The following SLC2A13 variants were observed in gnomAD, a reference collection of about 807,000 sequenced individuals.
SLC2A13 encodes the protein solute carrier family 2 member 13.
Under a neutral mutation model 64.4 loss-of-function variants are expected in SLC2A13, and 32 were observed. The observed-to-expected ratio is 0.50, with a 90% CI of 0.37 to 0.67. The LOEUF (loss-of-function observed/expected upper bound fraction) is 0.67. Among genes scored for constraint, SLC2A13 ranks in the 30% least tolerant of loss-of-function variants. The pLI is 0.00. For synonymous variants in SLC2A13, 338 were observed against 327.1 expected (o/e 1.03, Z -0.36); for missense variants, 743 against 829.2 (o/e 0.90, Z 1.28).
At chr12:39,957,837 GC>G (rs1946343323) in intron 3 of SLC2A13, among the ~76,000 whole-genome samples, 1 of 152,056 alleles carries the variant, frequency 6.6e-6, no homozygotes. Context: ...CTTCCCATGA[GC>G]CTACTCCATG....
intron 4 of SLC2A13, among the ~76,000 whole-genome samples, chr12:39,879,906 G>T (rs1210874107): frequency 6.6e-6 from 1 of 152,180 alleles, no homozygotes; most frequent in Admixed American, 6.5e-5. Flanking sequence ...ATGTTGAATT[G>T]TAATCCCAAG....
intron 3 of SLC2A13, among the ~76,000 whole-genome samples, chr12:39,970,885 C>T (rs1246463300): frequency 6.6e-6 from 1 of 152,122 alleles, no homozygotes; most frequent in African/African-American, 2.4e-5. Context: ...TATTTTTTCC[C>T]TTGAGTGACC....
chr12:40,058,070 T>G (rs1323388454), intron 1 of SLC2A13, among the ~76,000 whole-genome samples: 1 of 150,834 alleles, frequency 6.6e-6, no homozygotes, highest in African/African-American at 2.4e-5. Context: ...GATAGATAGA[T>G]AGATAGATAG....
intron 4 of SLC2A13, among the ~76,000 whole-genome samples, chr12:39,942,975 C>T (rs1283336456): frequency 6.6e-6 from 1 of 152,110 alleles, no homozygotes; most frequent in Non-Finnish European, 1.5e-5. Context: ...TGATGCTATT[C>T]CTTTCTGTTT....
intron 4 of SLC2A13, among the ~76,000 whole-genome samples, chr12:39,893,418 G>A (rs1592249475): frequency 6.6e-6 from 1 of 152,186 alleles, no homozygotes; most frequent in Admixed American, 6.5e-5. Context: ...TCCTGCCTCA[G>A]CCTCCCGACT....
chr12:39,769,383 T>C (rs756503669), intron 7 of SLC2A13, among the ~76,000 whole-genome samples: 19 of 152,116 alleles, frequency 1.2e-4, no homozygotes, highest in Non-Finnish European at 2.2e-4. Flanking sequence ...TTTGTAGGAC[T>C]TGATACATTT....
intron 3 of SLC2A13, among the ~76,000 whole-genome samples, chr12:39,961,366 A>G (rs963463006): frequency 2.0e-5 from 3 of 152,156 alleles, no homozygotes; most frequent in Non-Finnish European, 4.4e-5. Flanking sequence ...GGCATGAGCC[A>G]CCACGCCTGG....
chr12:39,898,147 C>T (rs1471128188), intron 4 of SLC2A13, among the ~76,000 whole-genome samples: 2 of 152,024 alleles, frequency 1.3e-5, no homozygotes, highest in East Asian at 1.9e-4. Flanking sequence ...TACAGCTTTC[C>T]ATTTGTAGAA....
At chr12:39,987,974 C>T (rs777262245) in intron 3 of SLC2A13, among the ~76,000 whole-genome samples, 7 of 152,092 alleles carry the variant, frequency 4.6e-5, no homozygotes, top group African/African-American at 9.7e-5. Flanking sequence ...CAATTCTACC[C>T]GTGAAAATCA....
At chr12:39,894,596 A>C (rs932280280) in intron 4 of SLC2A13, among the ~76,000 whole-genome samples, 20 of 152,218 alleles carry the variant, frequency 1.3e-4, no homozygotes, top group Admixed American at 3.9e-4. Context: ...TAAAATTTCT[A>C]ACACTGAAAT....
At chr12:39,961,645 C>T (rs1379958370) in intron 3 of SLC2A13, among the ~76,000 whole-genome samples, 1 of 151,894 alleles carries the variant, frequency 6.6e-6, no homozygotes, top group African/African-American at 2.4e-5. Flanking sequence ...ACCACAGGCA[C>T]ATGCCATCAC....
chr12:39,877,723 A>T (rs73104975), intron 4 of SLC2A13, among the ~76,000 whole-genome samples: 2,199 of 152,334 alleles, frequency 0.014, 61 homozygotes, highest in African/African-American at 0.048. Context: ...ATATCAGCCA[A>T]CCATTTAAGT....
intron 1 of SLC2A13, among the ~76,000 whole-genome samples, chr12:40,069,229 A>G (rs1189522862): frequency 6.6e-6 from 1 of 152,178 alleles, no homozygotes; most frequent in East Asian, 1.9e-4. Context: ...TAAAATCTCA[A>G]AGTCTTTCTG....
At chr12:39,791,027 A>C (rs367677157) in intron 7 of SLC2A13, among the ~76,000 whole-genome samples, 11,373 of 101,800 alleles carry the variant, frequency 0.11, 675 homozygotes, top group East Asian at 0.24. Flanking sequence ...TCTTTTGAGA[A>C]GTGTCTGTTC....
chr12:39,947,864 G>A (rs1025427188), intron 4 of SLC2A13, among the ~76,000 whole-genome samples: 3 of 151,938 alleles, frequency 2.0e-5, no homozygotes, highest in African/African-American at 7.3e-5. Context: ...GTTTCACTGT[G>A]TTAGCCAGGA....
intron 5 of SLC2A13, among the ~76,000 whole-genome samples, chr12:39,865,765 C>G (rs551231037): frequency 1.3e-5 from 2 of 152,280 alleles, no homozygotes; most frequent in African/African-American, 4.8e-5. Flanking sequence ...CTTTAGCAAA[C>G]TAACACAGAA....
intron 3 of SLC2A13, among the ~76,000 whole-genome samples, chr12:40,025,416 A>G (rs147074320): frequency 6.6e-6 from 1 of 152,350 alleles, no homozygotes; most frequent in African/African-American, 2.4e-5. Context: ...TCAAGTGAAC[A>G]AGAAAAAAAA....
At chr12:39,988,581 TG>T (rs1262785424) in intron 3 of SLC2A13, among the ~76,000 whole-genome samples, 9 of 136,824 alleles carry the variant, frequency 6.6e-5, no homozygotes, top group South Asian at 4.9e-4. Flanking sequence ...AAAGAATGAA[TG>T]AAAAAAAGAG....
At chr12:40,046,001 C>A (rs967995611) in intron 2 of SLC2A13, among the ~76,000 whole-genome samples, 15 of 152,176 alleles carry the variant, frequency 9.9e-5, no homozygotes, top group African/African-American at 3.6e-4. Context: ...CTTACAACAT[C>A]GATAGTAGCA....
Sources: allele counts gnomAD v4.1 joint callset (sites outside exome capture counted in the v4.1 genomes callset), GRCh38; gene constraint gnomAD v4.1.1; transcripts MANE v1.5; gene names NCBI Gene and HGNC (gene_info 2026-07-23, HGNC 2026-07-21).